The following FRMD4A variants were observed in gnomAD, a reference collection of about 807,000 sequenced individuals.
FRMD4A encodes FERM domain containing 4A, also known as FERM domain-containing protein 4A.
In FRMD4A, 29 loss-of-function variants were observed where a neutral mutation model predicts 129.1. The ratio of observed to expected loss-of-function variants is 0.22; its 90% CI spans 0.17 to 0.31. The LOEUF (loss-of-function observed/expected upper bound fraction) is 0.31. Ranked by LOEUF, FRMD4A falls within the 10% of genes least tolerant of loss-of-function variation. FRMD4A has a pLI of 1.00. For missense variants in FRMD4A, 1,272 were observed against 1,375.8 expected (o/e 0.92, Z 1.19); for synonymous variants, 634 against 571.6 (o/e 1.11, Z -1.56).
At chr10:13,899,000 T>C (rs2094789888) in intron 2 of FRMD4A, among the ~76,000 whole-genome samples, 2 of 151,888 alleles carry the variant, frequency 1.3e-5, no homozygotes, top group Non-Finnish European at 2.9e-5. Flanking sequence ...CTGGGCTACA[T>C]AGTGAGACCC....
At chr10:13,682,063 TA>T (rs113904196) in intron 15 of FRMD4A, among the ~76,000 whole-genome samples, 56 of 149,572 alleles carry the variant, frequency 3.7e-4, no homozygotes, top group African/African-American at 1.3e-3. Context: ...CTACAAAAAT[TA>T]AAAAAAAAAA....
chr10:13,752,759 C>T (rs1048890857), intron 8 of FRMD4A, among the ~76,000 whole-genome samples: 2 of 152,208 alleles, frequency 1.3e-5, no homozygotes, highest in Non-Finnish European at 1.5e-5. Flanking sequence ...TAGAGTGTTG[C>T]AGGTCCTTCA....
chr10:13,684,748 A>T, intron 15 of FRMD4A: 1 of 984,416 alleles, frequency 1.0e-6, no homozygotes, highest in Non-Finnish European at 1.2e-6. Context: ...AAGACAGAGA[A>T]GGGGTGCTTT....
At chr10:13,954,237 T>C (rs771451048) in intron 2 of FRMD4A, among the ~76,000 whole-genome samples, 30 of 152,308 alleles carry the variant, frequency 2.0e-4, no homozygotes, top group Middle Eastern at 3.4e-3. Context: ...GTTCTCACAC[T>C]GCTGATAAAG....
At chr10:13,793,133 C>T (rs1263870593) in intron 5 of FRMD4A, among the ~76,000 whole-genome samples, 1 of 151,582 alleles carries the variant, frequency 6.6e-6, no homozygotes, top group Non-Finnish European at 1.5e-5. Context: ...TAAAATGTAC[C>T]TTCAGGTAGT....
At chr10:14,235,016 T>C (rs909267008) in intron 2 of FRMD4A, among the ~76,000 whole-genome samples, 3 of 152,170 alleles carry the variant, frequency 2.0e-5, no homozygotes, top group Non-Finnish European at 4.4e-5. Context: ...TGTTGCTATA[T>C]AGGTACGTGC....
chr10:14,005,043 G>A (rs1451991484), intron 2 of FRMD4A, among the ~76,000 whole-genome samples: 1 of 146,502 alleles, frequency 6.8e-6, no homozygotes, highest in Non-Finnish European at 1.5e-5. Context: ...TTTTTTTTGA[G>A]ACCTGAGTCT....
intron 3 of FRMD4A, among the ~76,000 whole-genome samples, chr10:13,848,609 C>CGTGTGTGTGTGTGT (rs59271113): frequency 1.5e-3 from 190 of 124,070 alleles, no homozygotes; most frequent in East Asian, 4.7e-3. Context: ...TGTGTGTGTA[C>CGTGTGTGTGTGTGT]GTGTGTGTGT....
At position 13,772,495 on chromosome 10, in the gene FRMD4A, G is replaced by A. The variant is rs568717352; in HGVS notation, c.385-9815C>T. On this transcript the variant is annotated intron_variant, in intron 6 of 24. Coordinates refer to ENST00000357447, the MANE Select transcript of FRMD4A (RefSeq NM_018027.5). ...ACCATTACAACTCTGACTGGACAGA[G>A]GGCCAGCCTTACAAACATTCTCTTC... is the stretch of plus-strand genomic sequence containing the variant. Among the ~76,000 whole-genome samples the A allele has an allele frequency of 2.0e-4, 30 of 152,264 alleles. No individual in the cohort carries two copies. The South Asian group carries it at 6.0e-3, about 30-fold the overall frequency.
chr10:14,220,136 C>A (rs966272566), intron 2 of FRMD4A, among the ~76,000 whole-genome samples: 2 of 152,174 alleles, frequency 1.3e-5, no homozygotes, highest in Non-Finnish European at 2.9e-5. Context: ...TGATTAGCAT[C>A]CATTTGCCCT....
intron 2 of FRMD4A, among the ~76,000 whole-genome samples, chr10:13,859,241 G>T (rs953355594): frequency 5.3e-5 from 8 of 152,018 alleles, no homozygotes; most frequent in Admixed American, 2.0e-4. Flanking sequence ...AAAATTAGCC[G>T]GGCGTGGTGG....
chr10:14,083,653 A>T (rs1564273932), intron 2 of FRMD4A: 1 of 152,232 alleles, frequency 6.6e-6, no homozygotes, highest in Non-Finnish European at 1.5e-5. Flanking sequence ...CAGTGTCTCT[A>T]GTTGTCCCGG....
At chr10:14,272,515 C>A (rs1845196664) in intron 2 of FRMD4A, among the ~76,000 whole-genome samples, 2 of 152,222 alleles carry the variant, frequency 1.3e-5, no homozygotes. Context: ...TCCATCCTAA[C>A]ACGTCTATTA....
chr10:14,322,088 C>A (rs928937315), intron 2 of FRMD4A, among the ~76,000 whole-genome samples: 1 of 152,150 alleles, frequency 6.6e-6, no homozygotes, highest in Non-Finnish European at 1.5e-5. Flanking sequence ...TCAATTAAAC[C>A]TCTTTTCTTT....
intron 2 of FRMD4A, among the ~76,000 whole-genome samples, chr10:14,004,274 G>A (rs1442285256): frequency 3.3e-5 from 5 of 152,212 alleles, no homozygotes; most frequent in Admixed American, 6.5e-5. Context: ...TGGGTGCGGT[G>A]GCTCACGCCT....
At chr10:13,802,207 C>A (rs1162038637) in intron 4 of FRMD4A, among the ~76,000 whole-genome samples, 5 of 152,188 alleles carry the variant, frequency 3.3e-5, no homozygotes, top group Non-Finnish European at 7.3e-5. Context: ...TTGCTTTTAG[C>A]TTCTACATAT....
intron 2 of FRMD4A, among the ~76,000 whole-genome samples, chr10:14,067,262 G>T (rs900725170): frequency 4.6e-5 from 7 of 152,014 alleles, no homozygotes; most frequent in African/African-American, 1.7e-4. Flanking sequence ...GCTGCAGTGA[G>T]CCGAGACCAT....
chr10:13,993,084 G>A (rs550652924), intron 2 of FRMD4A, among the ~76,000 whole-genome samples: 31 of 152,220 alleles, frequency 2.0e-4, no homozygotes, highest in African/African-American at 7.5e-4. Context: ...AGTGCTAGAA[G>A]GTAGTGAATT....
intron 2 of FRMD4A, among the ~76,000 whole-genome samples, chr10:14,118,664 T>C (rs1838327536): frequency 6.6e-6 from 1 of 152,170 alleles, no homozygotes; most frequent in African/African-American, 2.4e-5. Flanking sequence ...AGCAAAGTCA[T>C]GTCTTACACA....
Sources: allele counts gnomAD v4.1 joint callset (sites outside exome capture counted in the v4.1 genomes callset), GRCh38; gene constraint gnomAD v4.1.1; transcripts MANE v1.5; gene names NCBI Gene and HGNC (gene_info 2026-07-23, HGNC 2026-07-21).